Variants in FANCA observed in about 807,000 individuals in gnomAD.
FANCA encodes the protein FA complementation group A.
A neutral mutation model predicts 194.3 loss-of-function variants in FANCA; 236 were observed. The ratio of observed to expected loss-of-function variants is 1.21; its 90% CI spans 1.09 to 1.35. FANCA has a LOEUF of 1.35. Among genes scored for constraint, FANCA ranks in the 40% most tolerant of loss-of-function variants. The probability of loss-of-function intolerance (pLI) is 0.00; values close to 1 mark genes in which losing one functional copy is unlikely to be tolerated. For missense variants in FANCA, 2,628 were observed against 1,813.9 expected, an observed-to-expected ratio of 1.45 and a Z score of -8.15; for synonymous variants, 1,014 against 715.8, an observed-to-expected ratio of 1.42 and a Z score of -6.65.
intron 11 of FANCA, chr16:89,792,760 G>A (rs1250092387): frequency 5.9e-6 from 3 of 506,044 alleles, no homozygotes; most frequent in Admixed American, 2.8e-5. Flanking sequence ...TAGTGGCCCT[G>A]AATGTCTGGT....
intron 17 of FANCA, 136 bp from the exon 18 acceptor site, chr16:89,780,093 T>G: frequency 3.8e-6 from 3 of 786,972 alleles, no homozygotes; most frequent in Admixed American, 2.0e-5. Context: ...CCACATGCTG[T>G]GCGCACAGCA....
chr16:89,805,250 C>G (rs1174800721), intron 7 of FANCA, 30 bp downstream of exon 7: 1 of 1,562,330 alleles, frequency 6.4e-7, no homozygotes, highest in East Asian at 2.2e-5. Context: ...TGAGTTTTAC[C>G]CAAGAACCCG....
intron 14 of FANCA, 129 bp downstream of exon 14, chr16:89,791,274 C>T: frequency 7.8e-7 from 1 of 1,277,860 alleles, no homozygotes; most frequent in Non-Finnish European, 1.1e-6. Flanking sequence ...TCTGCCAAGG[C>T]CACTCGGCAA....
intron 30 of FANCA, among the ~76,000 whole-genome samples, chr16:89,757,485 G>A (rs1230044996): frequency 6.6e-6 from 1 of 152,182 alleles, no homozygotes; most frequent in Non-Finnish European, 1.5e-5. Flanking sequence ...AAAGAAGCCA[G>A]ACACAAAGGG....
intron 31 of FANCA, among the ~76,000 whole-genome samples, 176 bp from the exon 32 acceptor site, chr16:89,750,078 G>A (rs966525645): frequency 1.4e-4 from 21 of 152,236 alleles, no homozygotes; most frequent in African/African-American, 3.9e-4. Flanking sequence ...ATAGAACAGT[G>A]CAGGCCGGGT....
chr16:89,780,930 A>C (rs1598131528), intron 17 of FANCA, among the ~76,000 whole-genome samples: 1 of 94,978 alleles, frequency 1.1e-5, no homozygotes, highest in South Asian at 3.4e-4. Context: ...ATCCCACCTC[A>C]AAAAAAAAAA....
intron 3 of FANCA, among the ~76,000 whole-genome samples, chr16:89,813,843 C>A (rs1377936070): frequency 6.9e-6 from 1 of 145,786 alleles, no homozygotes; most frequent in Non-Finnish European, 1.5e-5. Context: ...TCCGTGTGCA[C>A]GTGCGTGCAT....
chr16:89,790,898 C>A (rs925858842), intron 14 of FANCA: 1 of 184,936 alleles, frequency 5.4e-6, no homozygotes, highest in Non-Finnish European at 1.2e-5. Flanking sequence ...GGTGCAATCA[C>A]AGCTCACTGC....
intron 5 of FANCA, 101 bp downstream of exon 5, chr16:89,810,606 G>A: frequency 1.2e-6 from 1 of 817,658 alleles, no homozygotes; most frequent in Admixed American, 1.7e-5. Flanking sequence ...TGAGAAGCTT[G>A]GAGAATTCCC....
At chr16:89,805,138 G>A in intron 7 of FANCA, 142 bp downstream of exon 7, 1 of 696,610 alleles carries the variant, frequency 1.4e-6, no homozygotes, top group Admixed American at 2.1e-5. Context: ...ACAACAGGCT[G>A]AGACTGGGAG....
intron 11 of FANCA, among the ~76,000 whole-genome samples, chr16:89,794,480 G>C (rs1052221941): frequency 6.6e-6 from 1 of 152,106 alleles, no homozygotes; most frequent in Non-Finnish European, 1.5e-5. Flanking sequence ...AGGTTGCAGT[G>C]AGCTGAGATC....
At chr16:89,812,332 C>T (rs1001068228) in intron 3 of FANCA, among the ~76,000 whole-genome samples, 1 of 149,248 alleles carries the variant, frequency 6.7e-6, no homozygotes, top group East Asian at 2.0e-4. Context: ...AGCCAGACTT[C>T]ATCTCAAAAA....
rs988900690 is a variant in FANCA, at chr16:89,750,085, G to A, written c.3067-183C>T. On this transcript the variant is annotated intron_variant, in intron 31 of 42. Coordinates refer to ENST00000389301, the MANE Select transcript of FANCA (RefSeq NM_000135.4). ...TTGCAAATATAGAACAGTGCAGGCC[G>A]GGTGCTGTGGCTCACGTCTGTAATG... is the stretch of plus-strand genomic sequence containing the variant. Among the ~76,000 whole-genome samples the A allele has an allele frequency of 7.9e-5, 12 of 152,208 alleles. 1 individual carries two copies. Among genetic ancestry groups the A allele is most frequent in the Admixed American group, 5.9e-4 (9 of 15,276 alleles).
chr16:89,747,875 C>A (rs995699933), intron 33 of FANCA, among the ~76,000 whole-genome samples: 3 of 152,110 alleles, frequency 2.0e-5, no homozygotes, highest in African/African-American at 7.2e-5. Context: ...CCAGCTCTGA[C>A]CAACTGGGTC....
Position 89,784,810 on chromosome 16 carries a change from G to A in FANCA, c.1470+44C>T, listed in dbSNP as rs760739313. On this transcript the variant is annotated intron_variant, in intron 15 of 42. Transcript: ENST00000389301. ...AAGGCAGTCCTCAGATGCAGCAGGTGAGCGAAGCACCAGAAATCATGGATG... is the reference window on the plus strand; with the variant it reads ...AAGGCAGTCCTCAGATGCAGCAGGTAAGCGAAGCACCAGAAATCATGGATG... The A allele has an allele frequency of 4.8e-6, 7 of 1,462,326 alleles. No individual in the cohort carries two copies. The Admixed American group carries it at 1.2e-4, about 24-fold the overall frequency. The allele number at this position is 1,462,326 out of a possible 1,614,324, so 90.6% of individuals were successfully genotyped here. A position where few individuals can be genotyped will look rare whatever the true frequency, so the allele number is the denominator to read the frequency against.
chr16:89,816,204 C>G, intron 1 of FANCA: 4 of 560,228 alleles, frequency 7.1e-6, no homozygotes, highest in Non-Finnish European at 1.3e-5. Context: ...GGCAGGGGAG[C>G]CCGGGGACGG....
intron 36 of FANCA, among the ~76,000 whole-genome samples, chr16:89,744,256 C>T (rs954449811): frequency 2.0e-5 from 3 of 152,180 alleles, no homozygotes; most frequent in African/African-American, 7.2e-5. Flanking sequence ...GGTGTGGCAT[C>T]AGTGATTCAA....
At chr16:89,782,078 A>G (rs1037716013) in intron 17 of FANCA, among the ~76,000 whole-genome samples, 4 of 151,848 alleles carry the variant, frequency 2.6e-5, no homozygotes, top group African/African-American at 9.7e-5. Context: ...GGCTGCTATA[A>G]AAACAGTTAA....
chr16:89,782,412 G>T (rs1290653084), intron 17 of FANCA, among the ~76,000 whole-genome samples: 1 of 151,772 alleles, frequency 6.6e-6, no homozygotes, highest in Admixed American at 6.6e-5. Context: ...TCTGGAGGCT[G>T]AGGCAGGAGA....
Sources: gnomAD v4.1 joint callset for allele counts (sites outside exome capture counted in the v4.1 genomes callset) on GRCh38, gnomAD v4.1.1 for gene constraint, MANE v1.5 for transcripts, NCBI Gene and HGNC (gene_info 2026-07-23, HGNC 2026-07-21) for gene names.